CNTN4: variants seen among roughly 807,000 people sequenced by gnomAD.
CNTN4 encodes the protein contactin-4.
Under a neutral mutation model 122.5 loss-of-function variants are expected in CNTN4, and 77 were observed. The ratio of observed to expected loss-of-function variants is 0.63; its 90% CI spans 0.52 to 0.76. The LOEUF is 0.76. Ranked by LOEUF, CNTN4 falls within the 30% of genes least tolerant of loss-of-function variation. CNTN4 has a pLI of 0.00. For synonymous variants in CNTN4, 512 were observed against 447.0 expected (o/e 1.15, Z -1.83); for missense variants, 1,256 against 1,259.1 (o/e 1.00, Z 0.04).
At chr3:3,008,240 A>G (rs1390608952) in intron 14 of CNTN4, among the ~76,000 whole-genome samples, 1 of 152,152 alleles carries the variant, frequency 6.6e-6, no homozygotes, top group Non-Finnish European at 1.5e-5. Flanking sequence ...AAAAATGCTA[A>G]TGCCTCGTAT....
intron 14 of CNTN4, among the ~76,000 whole-genome samples, chr3:3,000,211 TA>T (rs1001563840): frequency 7.9e-5 from 12 of 150,954 alleles, no homozygotes; most frequent in African/African-American, 2.7e-4. Flanking sequence ...TAGAACATAA[TA>T]GTGTCCAAAA....
intron 3 of CNTN4, among the ~76,000 whole-genome samples, chr3:2,451,015 T>A (rs2048809662): frequency 6.6e-6 from 1 of 152,164 alleles, no homozygotes; most frequent in Admixed American, 6.5e-5. Context: ...AAGAGTGGTA[T>A]TAACTTTGCC....
intron 14 of CNTN4, among the ~76,000 whole-genome samples, chr3:3,003,704 AAAAAAAAAAAC>A (rs1553722330): frequency 7.1e-6 from 1 of 139,976 alleles, no homozygotes; most frequent in Admixed American, 7.3e-5. Context: ...AAAAAAAAAA[AAAAAAAAAAAC>A]AAAAAAACCC....
At chr3:2,301,167 A>G (rs1312164754) in intron 2 of CNTN4, among the ~76,000 whole-genome samples, 1 of 152,214 alleles carries the variant, frequency 6.6e-6, no homozygotes, top group Non-Finnish European at 1.5e-5. Flanking sequence ...AATCTCAAAC[A>G]CATCACAGAT....
intron 2 of CNTN4, among the ~76,000 whole-genome samples, chr3:2,254,485 G>T (rs926486075): frequency 1.3e-5 from 2 of 152,134 alleles, no homozygotes; most frequent in Non-Finnish European, 2.9e-5. Context: ...CACAGTGGTT[G>T]AACTAATTTA....
intron 3 of CNTN4, among the ~76,000 whole-genome samples, chr3:2,542,457 T>C (rs1292335066): frequency 6.6e-6 from 1 of 152,078 alleles, no homozygotes; most frequent in African/African-American, 2.4e-5. Context: ...CAGAAAATCT[T>C]CTGCAAAGAA....
chr3:2,127,961 G>A (rs1204163005), intron 2 of CNTN4, among the ~76,000 whole-genome samples: 1 of 152,190 alleles, frequency 6.6e-6, no homozygotes, highest in Non-Finnish European at 1.5e-5. Flanking sequence ...TTCAAGCAGA[G>A]CGAGGAAAAT....
At position 2,797,613 on chromosome 3, in the gene CNTN4, A is replaced by AAAC. The variant is rs556270796; in HGVS notation, c.359-21870_359-21868dup. On this transcript the variant is annotated intron_variant, in intron 6 of 24. Coordinates refer to ENST00000418658, the MANE Select transcript of CNTN4 (RefSeq NM_175607.3). ...AACTCCGCCTCAAAAACAAAAACAAAAACAAAAGCAAACTCCAAAGAGTTC... is the reference window on the plus strand; with the variant it reads ...AACTCCGCCTCAAAAACAAAAACAAAAACAACAAAAGCAAACTCCAAAGAGTTC... Among the ~76,000 whole-genome samples the AAAC allele has an allele frequency of 1.2e-3, 178 of 152,252 alleles. 1 individual carries two copies. Among genetic ancestry groups the AAAC allele is most frequent in the African/African-American group, 4.1e-3 (171 of 41,562 alleles).
At chr3:2,101,230 C>T (rs1402801412) in intron 2 of CNTN4, among the ~76,000 whole-genome samples, 1 of 152,042 alleles carries the variant, frequency 6.6e-6, no homozygotes, top group East Asian at 1.9e-4. Context: ...ATTTCTTTTC[C>T]GATCTAAGCA....
chr3:2,171,402 T>C (rs2036504646), intron 2 of CNTN4, among the ~76,000 whole-genome samples: 1 of 152,214 alleles, frequency 6.6e-6, no homozygotes, highest in South Asian at 2.1e-4. Context: ...CTGTCTTTTG[T>C]GTGTAGAAAA....
chr3:2,414,625 A>G (rs569707058), intron 3 of CNTN4, among the ~76,000 whole-genome samples: 2 of 152,258 alleles, frequency 1.3e-5, no homozygotes, highest in African/African-American at 4.8e-5. Context: ...ATTATAAAGG[A>G]AAACATAAAC....
At position 2,708,727 on chromosome 3, in the gene CNTN4, T is replaced by TCTCTCACACACA. The variant is rs1214979217; in HGVS notation, c.56-27487_56-27486insTCTCACACACAC. ...GCACGCAGGCACGCGCACGCGCGCA[T>TCTCTCACACACA]CACACACACACACACACACACACAC... On this transcript the variant is annotated intron_variant, in intron 4 of 24. Transcript: ENST00000418658. 1.4e-3 allele frequency among the ~76,000 whole-genome samples: 204 copies of TCTCTCACACACA among 151,006 alleles called. 2 individuals carry two copies. The highest frequency in any genetic ancestry group is 4.2e-3 in the African/African-American group (175 of 41,200).
intron 2 of CNTN4, among the ~76,000 whole-genome samples, chr3:2,221,646 C>G (rs2039065488): frequency 6.6e-6 from 1 of 151,964 alleles, no homozygotes; most frequent in African/African-American, 2.4e-5. Flanking sequence ...ACATATATAT[C>G]TGATATGGGA....
intron 2 of CNTN4, among the ~76,000 whole-genome samples, chr3:2,274,480 T>G (rs1396383280): frequency 3.3e-5 from 5 of 151,678 alleles, no homozygotes; most frequent in African/African-American, 1.2e-4. Context: ...ATGTTTGTTT[T>G]CTTTTCACCA....
chr3:2,196,667 G>C (rs1203017882), intron 2 of CNTN4, among the ~76,000 whole-genome samples: 2 of 152,054 alleles, frequency 1.3e-5, no homozygotes, highest in Non-Finnish European at 2.9e-5. Context: ...AAGGCCGTTG[G>C]CTTTGTTGAC....
chr3:2,168,870 A>T (rs2149220462), intron 2 of CNTN4, among the ~76,000 whole-genome samples: 1 of 152,296 alleles, frequency 6.6e-6, no homozygotes, highest in African/African-American at 2.4e-5. Context: ...TTCGAAAAGA[A>T]AAATTTCCTG....
chr3:2,784,429 C>CA (rs1559500425), intron 6 of CNTN4, among the ~76,000 whole-genome samples: 1 of 152,126 alleles, frequency 6.6e-6, no homozygotes. Flanking sequence ...TAATTAGACC[C>CA]TTTTTTCAGA....
At chr3:2,866,105 T>A (rs1407194550) in intron 7 of CNTN4, among the ~76,000 whole-genome samples, 6 of 152,286 alleles carry the variant, frequency 3.9e-5, no homozygotes, top group East Asian at 1.9e-4. Context: ...GTATTCAACC[T>A]CACAAGTGAG....
chr3:2,740,005 C>A (rs533980628), intron 5 of CNTN4, among the ~76,000 whole-genome samples: 1 of 152,244 alleles, frequency 6.6e-6, no homozygotes, highest in East Asian at 1.9e-4. Context: ...AAGTGGTCGT[C>A]TTGTACCTGC....
Sources: gnomAD v4.1 joint callset for allele counts (sites outside exome capture counted in the v4.1 genomes callset) on GRCh38, gnomAD v4.1.1 for gene constraint, MANE v1.5 for transcripts, NCBI Gene and HGNC (gene_info 2026-07-23, HGNC 2026-07-21) for gene names.